The following LRMDA variants were observed in gnomAD, a reference collection of about 807,000 sequenced individuals.
LRMDA encodes leucine rich melanocyte differentiation associated, also known as leucine-rich melanocyte differentiation-associated protein.
LRMDA carries 18 observed loss-of-function variants against 29.8 expected under a neutral mutation model. The ratio of observed to expected loss-of-function variants is 0.60; its 90% CI spans 0.42 to 0.90. The LOEUF is 0.90. Ranked by LOEUF, LRMDA falls within the 40% of genes least tolerant of loss-of-function variation. LRMDA has a pLI of 0.00. For synonymous variants in LRMDA, 125 were observed against 109.4 expected, an observed-to-expected ratio of 1.14 and a Z score of -0.89; for missense variants, 273 against 273.9, an observed-to-expected ratio of 1.00 and a Z score of 0.02.
intron 6 of LRMDA, among the ~76,000 whole-genome samples, chr10:76,386,590 G>C (rs1841662828): frequency 6.6e-6 from 1 of 152,008 alleles, no homozygotes; most frequent in African/African-American, 2.4e-5. Flanking sequence ...AAGATAACAG[G>C]ATTGTTTAAA....
intron 2 of LRMDA, among the ~76,000 whole-genome samples, chr10:75,968,137 G>GT (rs1564619060): frequency 1.3e-5 from 2 of 152,096 alleles, no homozygotes; most frequent in Non-Finnish European, 2.9e-5. Flanking sequence ...CACCTGGTCT[G>GT]TGGTCTTGGT....
chr10:75,616,231 T>TAGCAGCAGC (rs1332339686), intron 2 of LRMDA, among the ~76,000 whole-genome samples: 11 of 146,856 alleles, frequency 7.5e-5, no homozygotes, highest in African/African-American at 3.0e-4. Context: ...AGAACAGTAA[T>TAGCAGCAGC]AGTAGCAGTA....
chr10:76,294,071 G>T (rs992372338), intron 5 of LRMDA, among the ~76,000 whole-genome samples: 3 of 152,120 alleles, frequency 2.0e-5, no homozygotes, highest in African/African-American at 7.2e-5. Context: ...TGACAAGCTG[G>T]GTGTTCTGAT....
At chr10:75,789,436 C>T (rs1331993671) in intron 2 of LRMDA, among the ~76,000 whole-genome samples, 1 of 152,126 alleles carries the variant, frequency 6.6e-6, no homozygotes, top group African/African-American at 2.4e-5. Flanking sequence ...TAGAGATGAC[C>T]AGATTCAGAT....
intron 2 of LRMDA, among the ~76,000 whole-genome samples, chr10:75,913,763 C>T (rs574201165): frequency 1.3e-5 from 2 of 152,316 alleles, no homozygotes; most frequent in Admixed American, 6.5e-5. Context: ...TACCTGGTGG[C>T]CGGCATCAGG....
intron 6 of LRMDA, among the ~76,000 whole-genome samples, chr10:76,345,773 A>G (rs909288793): frequency 7.9e-5 from 12 of 152,154 alleles, no homozygotes; most frequent in African/African-American, 2.9e-4. Flanking sequence ...CATACTGCCA[A>G]TAACCTAACA....
intron 6 of LRMDA, chr10:76,536,060 A>G (rs1390201502): frequency 1.3e-5 from 2 of 152,212 alleles, no homozygotes; most frequent in Admixed American, 6.5e-5. Context: ...TACAGGCATG[A>G]GTCACTGCAC....
intron 2 of LRMDA, among the ~76,000 whole-genome samples, chr10:75,919,191 G>A (rs1016163369): frequency 2.0e-5 from 3 of 152,128 alleles, no homozygotes; most frequent in African/African-American, 7.2e-5. Context: ...TGGGCAGCCT[G>A]GCCTCTGATT....
intron 2 of LRMDA, among the ~76,000 whole-genome samples, chr10:76,018,830 T>G (rs1161231765): frequency 2.0e-5 from 3 of 152,158 alleles, no homozygotes; most frequent in Non-Finnish European, 2.9e-5. Flanking sequence ...CCTCGCAAAT[T>G]GCTGGGATTA....
chr10:75,590,545 A>G (rs1410319787), intron 2 of LRMDA, among the ~76,000 whole-genome samples: 1 of 152,160 alleles, frequency 6.6e-6, no homozygotes, highest in Non-Finnish European at 1.5e-5. Context: ...AAAAGAAATC[A>G]CAGTGCGGGA....
rs12414608 is a variant in LRMDA, at chr10:76,363,258, G to A, written c.601+38773G>A. On this transcript the variant is annotated intron_variant, in intron 6 of 6. Coordinates refer to ENST00000611255, the MANE Select transcript of LRMDA (RefSeq NM_001305581.2). ...AAGAAAGAAAGAAAGAAAGAAAGAA[G>A]GAAGGAAGGAAGGAAGGAAAGGAAG... 3.2e-3 allele frequency among the ~76,000 whole-genome samples: 164 copies of A among 50,616 alleles called. 9 individuals carry two copies. The highest frequency in any genetic ancestry group is 1.0e-2 in the African/African-American group (111 of 11,138). 33.2% of individuals were successfully genotyped at this position (50,616 alleles called of 152,430 possible). A position where few individuals can be genotyped will look rare whatever the true frequency, so the allele number is the denominator to read the frequency against.
Position 75,798,375 on chromosome 10 carries a change from A to G in LRMDA, c.132-237633A>G, listed in dbSNP as rs551485941. On this transcript the variant is annotated intron_variant, in intron 2 of 6. Transcript: ENST00000611255. ...ATAGATAATGCTTTTGGTGTTACAT[A>G]TAAGAAATCCCTGCCGAGGTCATGA... Among the ~76,000 whole-genome samples, 3 of 152,240 alleles carry G rather than the reference A, an allele frequency of 2.0e-5. No homozygotes were observed. In the South Asian group the frequency reaches 6.2e-4, roughly 32 times the overall value.
At chr10:76,358,276 T>C (rs1243192611) in intron 6 of LRMDA, among the ~76,000 whole-genome samples, 1 of 152,230 alleles carries the variant, frequency 6.6e-6, no homozygotes, top group Non-Finnish European at 1.5e-5. Flanking sequence ...TATGTTCTTT[T>C]GGAAATAACA....
Position 76,340,930 on chromosome 10 carries a change from T to A in LRMDA, c.601+16445T>A, listed in dbSNP as rs556962848. 2.7e-4 allele frequency among the ~76,000 whole-genome samples: 41 copies of A among 152,294 alleles called. 1 individual carries two copies. In the South Asian group the frequency reaches 3.1e-3, roughly 12 times the overall value. On this transcript the variant is annotated intron_variant, in intron 6 of 6. Coordinates refer to ENST00000611255, the MANE Select transcript of LRMDA (RefSeq NM_001305581.2). Reference sequence around the variant, plus strand: ...GAAGACATCTGTGACAATTACTCAGTTTTGCCCTAATAACATAACAGAACT... The same window carrying A: ...GAAGACATCTGTGACAATTACTCAGATTTGCCCTAATAACATAACAGAACT...
intron 6 of LRMDA, among the ~76,000 whole-genome samples, chr10:76,479,105 A>T (rs567072123): frequency 1.3e-5 from 2 of 151,850 alleles, no homozygotes; most frequent in African/African-American, 2.4e-5. Context: ...TTATAAAATA[A>T]ATTAGAATGA....
At chr10:76,029,777 G>T (rs1273769018) in intron 2 of LRMDA, among the ~76,000 whole-genome samples, 2 of 152,136 alleles carry the variant, frequency 1.3e-5, no homozygotes, top group Admixed American at 6.6e-5. Context: ...TTGGATTCAG[G>T]TCTCTCAGAT....
intron 6 of LRMDA, among the ~76,000 whole-genome samples, chr10:76,432,037 T>G (rs1157571438): frequency 6.6e-6 from 1 of 152,190 alleles, no homozygotes; most frequent in African/African-American, 2.4e-5. Flanking sequence ...TATGTCTTTA[T>G]CAGCAGTGTG....
At chr10:75,712,223 C>T (rs1037511867) in intron 2 of LRMDA, among the ~76,000 whole-genome samples, 13 of 152,156 alleles carry the variant, frequency 8.5e-5, no homozygotes, top group African/African-American at 2.9e-4. Context: ...TCCATTATCC[C>T]TACCTCATCC....
chr10:76,165,872 A>C (rs1850730914), intron 5 of LRMDA, among the ~76,000 whole-genome samples: 1 of 152,196 alleles, frequency 6.6e-6, no homozygotes, highest in Non-Finnish European at 1.5e-5. Flanking sequence ...GTGGGAACAC[A>C]AACAAACCAT....
Sources: allele counts gnomAD v4.1 joint callset (sites outside exome capture counted in the v4.1 genomes callset), GRCh38; gene constraint gnomAD v4.1.1; transcripts MANE v1.5; gene names NCBI Gene and HGNC (gene_info 2026-07-23, HGNC 2026-07-21).